The following MYO3B variants were observed in gnomAD, a reference collection of about 807,000 sequenced individuals.
MYO3B encodes the protein myosin-IIIb.
A neutral mutation model predicts 174.6 loss-of-function variants in MYO3B; 156 were observed. The observed-to-expected ratio is 0.89, with a 90% CI of 0.78 to 1.02. The LOEUF is 1.02. Among genes scored for constraint, MYO3B ranks in the 50% least tolerant of loss-of-function variants. The probability of loss-of-function intolerance (pLI) is 0.00; values close to 1 mark genes in which losing one functional copy is unlikely to be tolerated. For synonymous variants in MYO3B, 563 were observed against 569.1 expected (o/e 0.99, Z 0.15); for missense variants, 1,632 against 1,639.4 (o/e 1.00, Z 0.08).
chr2:170,622,408 ATGCT>A (rs1696002839), intron 32 of MYO3B, among the ~76,000 whole-genome samples: 1 of 152,188 alleles, frequency 6.6e-6, no homozygotes, highest in Non-Finnish European at 1.5e-5. Context: ...AAAGTGATAC[ATGCT>A]TGCTTAAAAA....
chr2:170,276,020 C>T (rs1375771468), intron 7 of MYO3B, among the ~76,000 whole-genome samples: 1 of 152,172 alleles, frequency 6.6e-6, no homozygotes, highest in Admixed American at 6.6e-5. Context: ...TGGAAGAATA[C>T]TTCTGTACTT....
intron 16 of MYO3B, among the ~76,000 whole-genome samples, chr2:170,393,729 A>G (rs1558956312): frequency 6.6e-6 from 1 of 152,190 alleles, no homozygotes. Flanking sequence ...GATTTTAATC[A>G]TAATAGTACC....
chr2:170,512,235 A>T (rs1688033044), intron 28 of MYO3B, among the ~76,000 whole-genome samples: 1 of 151,896 alleles, frequency 6.6e-6, no homozygotes, highest in Non-Finnish European at 1.5e-5. Flanking sequence ...GTAGAAAAAA[A>T]AAATGTGTCA....
intron 32 of MYO3B, among the ~76,000 whole-genome samples, chr2:170,584,769 A>G (rs1693393566): frequency 6.6e-6 from 1 of 152,236 alleles, no homozygotes; most frequent in South Asian, 2.1e-4. Flanking sequence ...AGAATTTCCA[A>G]CATTGCCATC....
At chr2:170,303,508 T>C (rs902027906) in intron 7 of MYO3B, among the ~76,000 whole-genome samples, 1 of 152,194 alleles carries the variant, frequency 6.6e-6, no homozygotes, top group African/African-American at 2.4e-5. Flanking sequence ...CAGGGGTACA[T>C]GGGCAGGTTT....
intron 1 of MYO3B, among the ~76,000 whole-genome samples, chr2:170,185,188 A>G (rs546168060): frequency 3.3e-5 from 5 of 152,108 alleles, no homozygotes; most frequent in South Asian, 2.1e-4. Flanking sequence ...ATGTAATCCC[A>G]TTTGTCCATG....
At chr2:170,581,833 TGGCATATGTTAATAAGCTATCTTCTCA>T (rs1431681542) in intron 32 of MYO3B, among the ~76,000 whole-genome samples, 1 of 152,196 alleles carries the variant, frequency 6.6e-6, no homozygotes, top group Non-Finnish European at 1.5e-5. Flanking sequence ...TTGATGATGA[TGGCATATGTTAATAAGCTATCTTCTCA>T]GGCAAGATTT....
At chr2:170,575,877 C>T (rs1692752903) in intron 32 of MYO3B, among the ~76,000 whole-genome samples, 1 of 152,074 alleles carries the variant, frequency 6.6e-6, no homozygotes, top group Admixed American at 6.6e-5. Flanking sequence ...ACAGAAAACC[C>T]CTTTCTCCCA....
intron 32 of MYO3B, among the ~76,000 whole-genome samples, chr2:170,615,755 A>T (rs1695424308): frequency 6.6e-6 from 1 of 152,118 alleles, no homozygotes; most frequent in South Asian, 2.1e-4. Flanking sequence ...CACACACAAG[A>T]TAGTGAAAGC....
At chr2:170,558,180 G>A (rs139174563) in intron 32 of MYO3B, among the ~76,000 whole-genome samples, 2,048 of 151,886 alleles carry the variant, frequency 0.013, 53 homozygotes, top group East Asian at 0.088. Flanking sequence ...GGGCGCCTGT[G>A]GTCCCAGCTA....
intron 25 of MYO3B, among the ~76,000 whole-genome samples, chr2:170,474,277 C>G (rs1314357856): frequency 6.6e-6 from 1 of 152,114 alleles, no homozygotes; most frequent in East Asian, 1.9e-4. Context: ...AAGGAACTCT[C>G]TGACTCTCTG....
intron 22 of MYO3B, among the ~76,000 whole-genome samples, chr2:170,418,366 C>T (rs1265582630): frequency 6.6e-6 from 1 of 152,310 alleles, no homozygotes; most frequent in Non-Finnish European, 1.5e-5. Context: ...TTTTTATTAG[C>T]AGAGGCATTA....
intron 7 of MYO3B, among the ~76,000 whole-genome samples, chr2:170,302,712 T>G (rs1311845249): frequency 6.6e-6 from 1 of 152,180 alleles, no homozygotes; most frequent in African/African-American, 2.4e-5. Context: ...TATTTCTTCT[T>G]CTTGCACTGA....
At chr2:170,483,381 T>TA (rs1376656469) in intron 25 of MYO3B, among the ~76,000 whole-genome samples, 10 of 95,440 alleles carry the variant, frequency 1.0e-4, no homozygotes, top group African/African-American at 6.2e-4. Flanking sequence ...GATTCTTTTT[T>TA]TTTTTTTTTT....
At chr2:170,190,892 C>T (rs915129121) in intron 1 of MYO3B, among the ~76,000 whole-genome samples, 2 of 151,794 alleles carry the variant, frequency 1.3e-5, no homozygotes, top group Admixed American at 6.6e-5. Context: ...GTCCTTTACT[C>T]TTTTCTCTCC....
At chr2:170,299,083 T>A (rs1162099558) in intron 7 of MYO3B, among the ~76,000 whole-genome samples, 2 of 152,214 alleles carry the variant, frequency 1.3e-5, no homozygotes, top group Admixed American at 6.5e-5. Context: ...TTTCTCAGAA[T>A]GTATGCCTAT....
chr2:170,646,878 T>TCTAA, intron 32 of MYO3B: 1 of 1,330,488 alleles, frequency 7.5e-7, no homozygotes. Context: ...TATCTCGTTT[T>TCTAA]CTAACTATAT....
intron 7 of MYO3B, among the ~76,000 whole-genome samples, chr2:170,280,835 G>A (rs2093503032): frequency 6.6e-6 from 1 of 152,044 alleles, no homozygotes; most frequent in Non-Finnish European, 1.5e-5. Context: ...ATTGGTCTGT[G>A]TACCTGTTTT....
At chr2:170,419,487 C>T (rs974385836) in intron 22 of MYO3B, among the ~76,000 whole-genome samples, 1 of 152,140 alleles carries the variant, frequency 6.6e-6, no homozygotes, top group Admixed American at 6.5e-5. Context: ...CTTTAAAAAC[C>T]CTATCTCCAA....
Sources: gnomAD v4.1 joint callset for allele counts (sites outside exome capture counted in the v4.1 genomes callset) on GRCh38, gnomAD v4.1.1 for gene constraint, MANE v1.5 for transcripts, NCBI Gene and HGNC (gene_info 2026-07-23, HGNC 2026-07-21) for gene names.